IGFBP7: variants seen among roughly 807,000 people sequenced by gnomAD.
IGFBP7 encodes insulin-like growth factor-binding protein 7.
A neutral mutation model predicts 29.4 loss-of-function variants in IGFBP7; 31 were observed. The observed-to-expected ratio is 1.05, with a 90% CI of 0.79 to 1.42. The LOEUF is 1.42. Ranked by LOEUF, IGFBP7 falls within the 40% of genes most tolerant of loss-of-function variation. The pLI, the probability that IGFBP7 is intolerant of heterozygous loss-of-function variation, is 0.00. For synonymous variants in IGFBP7, 172 were observed against 174.9 expected (o/e 0.98, Z 0.13); for missense variants, 393 against 395.5 (o/e 0.99, Z 0.05).
chr4:57,051,880 G>A (rs1258325676), intron 1 of IGFBP7, among the ~76,000 whole-genome samples: 1 of 152,216 alleles, frequency 6.6e-6, no homozygotes, highest in Admixed American at 6.5e-5. Context: ...TTTCATTTCA[G>A]AAATTAGACT....
chr4:57,090,265 G>A (rs757280806), intron 1 of IGFBP7, among the ~76,000 whole-genome samples: 6 of 152,134 alleles, frequency 3.9e-5, no homozygotes, highest in Non-Finnish European at 8.8e-5. Context: ...CTTTGTTTGC[G>A]TAAGAATTTC....
At chr4:57,067,800 G>T (rs539346685) in intron 1 of IGFBP7, among the ~76,000 whole-genome samples, 2 of 151,932 alleles carry the variant, frequency 1.3e-5, no homozygotes, top group East Asian at 1.9e-4. Flanking sequence ...ATAGACCACC[G>T]AGTATTGTAT....
chr4:57,107,603 GCT>G (rs1260092126), intron 1 of IGFBP7, among the ~76,000 whole-genome samples: 1 of 152,186 alleles, frequency 6.6e-6, no homozygotes, highest in Non-Finnish European at 1.5e-5. Context: ...ATTCTCTTCT[GCT>G]CTCTTTGGCA....
At chr4:57,088,651 C>T (rs563438469) in intron 1 of IGFBP7, among the ~76,000 whole-genome samples, 3 of 152,216 alleles carry the variant, frequency 2.0e-5, no homozygotes, top group Non-Finnish European at 2.9e-5. Context: ...TGCTTAGAAC[C>T]TCATATGAAG....
chr4:57,096,797 G>A (rs1725773056), intron 1 of IGFBP7, among the ~76,000 whole-genome samples: 1 of 152,132 alleles, frequency 6.6e-6, no homozygotes, highest in Admixed American at 6.6e-5. Context: ...ACCTAAGTGG[G>A]CACTTTCTGA....
At chr4:57,066,536 TAG>T in intron 1 of IGFBP7, among the ~76,000 whole-genome samples, 1 of 152,306 alleles carries the variant, frequency 6.6e-6, no homozygotes, top group African/African-American at 2.4e-5. Flanking sequence ...TATTATGCAG[TAG>T]CAAACAAATA....
chr4:57,090,114 G>A (rs1402097964), intron 1 of IGFBP7, among the ~76,000 whole-genome samples: 1 of 152,154 alleles, frequency 6.6e-6, no homozygotes, highest in Admixed American at 6.5e-5. Context: ...TCTATTACTT[G>A]CAGCTGAACA....
intron 1 of IGFBP7, among the ~76,000 whole-genome samples, chr4:57,106,055 C>T (rs978557256): frequency 4.6e-5 from 7 of 151,750 alleles, no homozygotes; most frequent in South Asian, 2.1e-4. Context: ...TACAGGTGCC[C>T]GCCACCACGC....
At chr4:57,076,314 TC>T (rs1354439631) in intron 1 of IGFBP7, among the ~76,000 whole-genome samples, 1 of 152,208 alleles carries the variant, frequency 6.6e-6, no homozygotes, top group Non-Finnish European at 1.5e-5. Flanking sequence ...ATAGCTGATC[TC>T]TTTACTAGAA....
intron 1 of IGFBP7, among the ~76,000 whole-genome samples, chr4:57,049,616 G>T (rs1435019550): frequency 6.6e-6 from 1 of 152,124 alleles, no homozygotes; most frequent in Non-Finnish European, 1.5e-5. Context: ...GACAGCTTCA[G>T]GCTCCCCCTT....
intron 1 of IGFBP7, among the ~76,000 whole-genome samples, chr4:57,044,566 C>G (rs990782253): frequency 6.6e-6 from 1 of 152,094 alleles, no homozygotes; most frequent in Non-Finnish European, 1.5e-5. Context: ...ATTTTTCCTC[C>G]CCTAAAAGGA....
intron 1 of IGFBP7, among the ~76,000 whole-genome samples, chr4:57,103,428 C>T (rs1343733687): frequency 6.6e-6 from 1 of 152,138 alleles, no homozygotes; most frequent in Non-Finnish European, 1.5e-5. Flanking sequence ...TCATGCGAGT[C>T]CTTCTGCTGG....
In IGFBP7 at chr4:57,097,444, C is replaced by T. The variant is rs149474391; in HGVS notation, c.475+12433G>A. On this transcript the variant is annotated intron_variant, in intron 1 of 4. Coordinates refer to ENST00000295666, the MANE Select transcript of IGFBP7 (RefSeq NM_001553.3). ...GAAAACTACCCTGTTATTTTGTTTA[C>T]GCAGGTCTGAACATAGGTTTCAGAT... 3.6e-4 allele frequency among the ~76,000 whole-genome samples: 55 copies of T among 152,264 alleles called. No homozygotes were observed. In the East Asian group the frequency reaches 8.9e-3, roughly 25 times the overall value.
intron 1 of IGFBP7, among the ~76,000 whole-genome samples, chr4:57,105,314 A>G (rs1001775910): frequency 6.6e-6 from 1 of 152,234 alleles, no homozygotes; most frequent in Admixed American, 6.5e-5. Flanking sequence ...ATCTTATTCA[A>G]GGCTACTTAC....
chr4:57,041,691 A>G (rs1239031404), intron 1 of IGFBP7, among the ~76,000 whole-genome samples: 1 of 151,952 alleles, frequency 6.6e-6, no homozygotes, highest in African/African-American at 2.4e-5. Flanking sequence ...GTGCACCACC[A>G]TGTCAGTTAA....
intron 1 of IGFBP7, among the ~76,000 whole-genome samples, chr4:57,057,450 T>G (rs1724702116): frequency 1.3e-5 from 2 of 152,242 alleles, no homozygotes; most frequent in South Asian, 4.1e-4. Context: ...AACCATCAGT[T>G]CTGGCCTTGG....
intron 1 of IGFBP7, among the ~76,000 whole-genome samples, chr4:57,109,435 A>T (rs939283919): frequency 3.9e-5 from 6 of 152,066 alleles, no homozygotes; most frequent in African/African-American, 1.2e-4. Context: ...TATCTTTTAA[A>T]AAAAAAAGTC....
chr4:57,075,545 G>A (rs781620502), intron 1 of IGFBP7, among the ~76,000 whole-genome samples: 3 of 152,078 alleles, frequency 2.0e-5, no homozygotes, highest in Non-Finnish European at 4.4e-5. Flanking sequence ...ATTGTCAGAT[G>A]TCTCATTGCC....
At chr4:57,073,333 T>G (rs10016108) in intron 1 of IGFBP7, among the ~76,000 whole-genome samples, 127,489 of 151,546 alleles carry the variant, frequency 0.84, 53,909 homozygotes, top group East Asian at 0.99. Context: ...GGTGGTGCAG[T>G]TCTGTGATCC....
Sources: gnomAD v4.1 joint callset for allele counts (sites outside exome capture counted in the v4.1 genomes callset) on GRCh38, gnomAD v4.1.1 for gene constraint, MANE v1.5 for transcripts, NCBI Gene and HGNC (gene_info 2026-07-23, HGNC 2026-07-21) for gene names.